Variants in SLC16A6 observed in about 807,000 individuals in gnomAD.
The protein encoded by SLC16A6 is monocarboxylate transporter 7.
SLC16A6 carries 15 observed loss-of-function variants against 33.8 expected under a neutral mutation model. The observed-to-expected ratio is 0.44, with a 90% CI of 0.30 to 0.68. SLC16A6 has a LOEUF of 0.68. SLC16A6 is among the 30% of genes least tolerant of loss of function. The probability of loss-of-function intolerance (pLI) is 0.10; values close to 1 mark genes in which losing one functional copy is unlikely to be tolerated. For missense variants in SLC16A6, 451 were observed against 661.5 expected (o/e 0.68, Z 3.49); for synonymous variants, 219 against 248.4 (o/e 0.88, Z 1.11).
chr17:68,288,668 T>C (rs2075897694), intron 1 of SLC16A6, among the ~76,000 whole-genome samples: 1 of 152,246 alleles, frequency 6.6e-6, no homozygotes, highest in Non-Finnish European at 1.5e-5. Flanking sequence ...GATCTCTTCC[T>C]GCCCTAATAG....
At position 68,267,609 on chromosome 17, in the gene SLC16A6, A is replaced by G. The variant is rs1270922792; in HGVS notation, c.*1487T>C. 1.3e-5 allele frequency: 2 copies of G among 152,230 alleles called. No individual in the cohort carries two copies. The highest frequency in any genetic ancestry group is 2.4e-5 in the African/African-American group (1 of 41,454). The allele number at this position is 152,230 out of a possible 1,614,324, so 9.4% of individuals were successfully genotyped here. On this transcript the variant is annotated 3_prime_UTR_variant, in exon 6 of 6. Transcript: ENST00000580666. ...TAACATTAACGATGAATAAAGATGG[A>G]GCAGCAAGCATTGACCATCACCTGC...
In SLC16A6 at chr17:68,271,419, T is replaced by G; in HGVS notation, c.741A>C (p.Ser247=). 6.2e-7 allele frequency: 1 copy of G among 1,614,232 alleles called. No individual in the cohort carries two copies. The highest frequency in any genetic ancestry group is 8.5e-7 in the Non-Finnish European group (1 of 1,180,054). ...SIDSGVELTT[S]PKNVPTHTNL... ...TAGTGTGAGTAGGCACATTTTTAGG[T>G]GAGGTAGTTAGTTCTACTCCTGAGT... The change falls in exon 5 of 6, where the codon TCA becomes TCC. Residue 247 remains serine (S), a synonymous_variant. Coordinates refer to ENST00000580666, the MANE Select transcript of SLC16A6 (RefSeq NM_004694.5). The surrounding 1 kb of genome is among the most constrained non-coding windows in gnomAD (Gnocchi z 5.3).
In SLC16A6 at chr17:68,269,141, A is replaced by C; in HGVS notation, c.1527T>G (p.Leu509=). ...DIPEDFLEMD[L]AKNEHRVHVQ... is the part of the protein sequence containing the mutation. ...CGTGAACTCTGTGCTCATTTTTTGC[A>C]AGATCCATTTCCAGAAAGTCTTCAG... The change falls in exon 6 of 6, where the codon CTT becomes CTG. Residue 509 remains leucine (L), a synonymous_variant. Coordinates refer to ENST00000580666, the MANE Select transcript of SLC16A6 (RefSeq NM_004694.5). 1 of 1,518,446 alleles carries C rather than the reference A, an allele frequency of 6.6e-7. No homozygotes were observed. The highest frequency in any genetic ancestry group is 1.3e-5 in the South Asian group (1 of 74,470). The allele number at this position is 1,518,446 out of a possible 1,614,324, so 94.1% of individuals were successfully genotyped here.
chr17:68,282,696 A>G (rs1217264167), intron 1 of SLC16A6, among the ~76,000 whole-genome samples: 2 of 147,298 alleles, frequency 1.4e-5, no homozygotes, highest in Admixed American at 7.0e-5. Context: ...GTAATCCCAG[A>G]ACTTTGGGAG....
chr17:68,287,902 G>A (rs934748297), intron 1 of SLC16A6, among the ~76,000 whole-genome samples: 23 of 151,192 alleles, frequency 1.5e-4, no homozygotes, highest in African/African-American at 4.6e-4. Flanking sequence ...ACCCTTCCTG[G>A]ACTCTTCTCC....
At chr17:68,283,397 T>C (rs1466590945) in intron 1 of SLC16A6, among the ~76,000 whole-genome samples, 5 of 152,060 alleles carry the variant, frequency 3.3e-5, no homozygotes, top group Admixed American at 3.3e-4. Context: ...GGCGGGCGCC[T>C]GTAGTCCCAG....
At chr17:68,278,820 A>G (rs782182901) in intron 1 of SLC16A6, among the ~76,000 whole-genome samples, 13 of 151,856 alleles carry the variant, frequency 8.6e-5, no homozygotes, top group Non-Finnish European at 1.5e-4. Flanking sequence ...GGGTTTTGCC[A>G]TGTTGGCCAG....
chr17:68,278,824 T>G (rs1293356401), intron 1 of SLC16A6, among the ~76,000 whole-genome samples: 1 of 152,096 alleles, frequency 6.6e-6, no homozygotes, highest in Non-Finnish European at 1.5e-5. Flanking sequence ...TTTGCCATGT[T>G]GGCCAGGCTG....
At chr17:68,290,598 G>A (rs1226688933) in intron 1 of SLC16A6, among the ~76,000 whole-genome samples, 1 of 152,268 alleles carries the variant, frequency 6.6e-6, no homozygotes, top group Non-Finnish European at 1.5e-5. Context: ...GGTCGGGGGA[G>A]GCAGGGAGCC....
At chr17:68,274,293 C>G in intron 2 of SLC16A6, 1 of 397,482 alleles carries the variant, frequency 2.5e-6, no homozygotes, top group African/African-American at 2.0e-5. Flanking sequence ...TGGTGAAACC[C>G]CGTCTCTACA....
Position 68,270,888 on chromosome 17 carries a change from G to C in SLC16A6, c.1272C>G (p.Val424=). Residue 424 remains valine, a synonymous_variant, in exon 5 of 6, where the codon GTC becomes GTG. Transcript: ENST00000580666. ...GIEKMSSAAG[V]YIFIQSIAGL... is the part of the protein sequence containing the mutation. ...CTGCTATGCTCTGAATGAAGATGTAGACCCCAGCTGCAGAAGACATCTTCT... is the reference window on the plus strand; with the variant it reads ...CTGCTATGCTCTGAATGAAGATGTACACCCCAGCTGCAGAAGACATCTTCT... The C allele has an allele frequency of 6.2e-7, 1 of 1,614,140 alleles. No individual in the cohort carries two copies. The highest frequency in any genetic ancestry group is 2.2e-5 in the East Asian group (1 of 44,882).
In SLC16A6 at chr17:68,270,866, C is replaced by CTATG. The variant is rs1233498110; in HGVS notation, c.1290_1293dup (p.Ala432HisfsTer18). 6.2e-7 allele frequency: 1 copy of CTATG among 1,613,696 alleles called. No individual in the cohort carries two copies. Among genetic ancestry groups the CTATG allele is most frequent in the Non-Finnish European group, 8.5e-7 (1 of 1,179,844 alleles). On this transcript the variant is annotated frameshift_variant, in exon 5 of 6. Transcript: ENST00000580666. LOFTEE classifies it low-confidence loss of function (END_TRUNC). ...GCAAGGGGCGGTCCAGCCAGTCCTGCTATGCTCTGAATGAAGATGTAGACC... is the reference window on the plus strand; with the variant it reads ...GCAAGGGGCGGTCCAGCCAGTCCTGCTATGTATGCTCTGAATGAAGATGTAGACC...
At position 68,267,717 on chromosome 17, in the gene SLC16A6, G is replaced by A. The variant is rs181003132; in HGVS notation, c.*1379C>T. Reference sequence around the variant, plus strand: ...GCCCTCCTTACAGAAAACTGCTAACGTGAGCAATACTATACATGTAGTGTG... The same window carrying A: ...GCCCTCCTTACAGAAAACTGCTAACATGAGCAATACTATACATGTAGTGTG... On this transcript the variant is annotated 3_prime_UTR_variant, in exon 6 of 6. Transcript: ENST00000580666. 4 of 151,684 alleles carry A rather than the reference G, an allele frequency of 2.6e-5. No homozygotes were observed. Among genetic ancestry groups the A allele is most frequent in the South Asian group, 2.1e-4 (1 of 4,786 alleles). 9.4% of individuals were successfully genotyped at this position (151,684 alleles called of 1,614,324 possible). A position where few individuals can be genotyped will look rare whatever the true frequency, so the allele number is the denominator to read the frequency against.
intron 3 of SLC16A6, among the ~76,000 whole-genome samples, chr17:68,272,979 A>G (rs2075389749): frequency 6.6e-6 from 1 of 151,974 alleles, no homozygotes; most frequent in Admixed American, 6.6e-5. Flanking sequence ...GATACTAAAA[A>G]TATAACTTTT....
chr17:68,288,279 C>T (rs924608597), intron 1 of SLC16A6, among the ~76,000 whole-genome samples: 7 of 152,096 alleles, frequency 4.6e-5, no homozygotes, highest in African/African-American at 1.4e-4. Flanking sequence ...GGATTACAGG[C>T]GTGAGCCACT....
At chr17:68,277,756 AG>A (rs1568411584) in intron 2 of SLC16A6, among the ~76,000 whole-genome samples, 2 of 152,168 alleles carry the variant, frequency 1.3e-5, no homozygotes, top group African/African-American at 2.4e-5. Flanking sequence ...CTTCTTAGAC[AG>A]TGACTATATC....
In SLC16A6 at chr17:68,271,196, G is replaced by A. The variant is rs782477243; in HGVS notation, c.964C>T (p.Leu322=). ...GCAGCGCGGTCCTGGTCAATGCCCA[G>A]ACTAATGCCCAGAGGAATGATGTAC... is the stretch of plus-strand genomic sequence containing the variant. ...SLYIIPLGIS[L]GIDQDRAAFL... is the part of the protein sequence containing the mutation. The change falls in exon 5 of 6, where the codon CTG becomes TTG. Residue 322 remains leucine, a synonymous_variant. Transcript: ENST00000580666. This position sits in a 1 kb window ranked among gnomAD's most constrained non-coding sequence, Gnocchi z 5.3. 10 of 1,614,044 alleles carry A rather than the reference G, an allele frequency of 6.2e-6. No homozygotes were observed. In the South Asian group the frequency reaches 1.1e-4, roughly 18 times the overall value.
Position 68,268,328 on chromosome 17 carries a change from C to T in SLC16A6, c.*768G>A, listed in dbSNP as rs1392203117. The T allele has an allele frequency of 6.6e-6, 1 of 152,422 alleles. No individual in the cohort carries two copies. Among genetic ancestry groups the T allele is most frequent in the African/African-American group, 2.4e-5 (1 of 41,396 alleles). The allele number at this position is 152,422 out of a possible 1,614,324, so 9.4% of individuals were successfully genotyped here. On this transcript the variant is annotated 3_prime_UTR_variant, in exon 6 of 6. Coordinates refer to ENST00000580666, the MANE Select transcript of SLC16A6 (RefSeq NM_004694.5). ...GTATAACTAAAAGCAACAGGAAACA[C>T]ATTTTTAAATGCCATTTTGTATATT...
chr17:68,273,817 G>GA (rs1237887909), intron 3 of SLC16A6, 110 bp downstream of exon 3: 7 of 1,348,936 alleles, frequency 5.2e-6, no homozygotes, highest in East Asian at 2.3e-5. Flanking sequence ...TAATGTTAAA[G>GA]AAAAAAAGAA....
Sources: allele counts gnomAD v4.1 joint callset (sites outside exome capture counted in the v4.1 genomes callset), GRCh38; gene constraint gnomAD v4.1.1; non-coding constraint Gnocchi (gnomAD v3.1); transcripts MANE v1.5; gene names NCBI Gene and HGNC (gene_info 2026-07-23, HGNC 2026-07-21).